The following KCNQ1 variants were observed in gnomAD, a reference collection of about 807,000 sequenced individuals.
The protein encoded by KCNQ1 is potassium voltage-gated channel subfamily KQT member 1.
KCNQ1 carries 49 observed loss-of-function variants against 72.4 expected under a neutral mutation model. The ratio of observed to expected loss-of-function variants is 0.68; its 90% CI spans 0.54 to 0.86. KCNQ1 has a LOEUF of 0.86. Ranked by LOEUF, KCNQ1 falls within the 40% of genes least tolerant of loss-of-function variation. KCNQ1 has a pLI of 0.00. For synonymous variants in KCNQ1, 450 were observed against 412.6 expected, an observed-to-expected ratio of 1.09 and a Z score of -1.10; for missense variants, 790 against 945.1, an observed-to-expected ratio of 0.84 and a Z score of 2.15.
rs1209978810 is a variant in KCNQ1 at position 2,787,596 on chromosome 11, A to G, written c.1794+9559A>G. ...AAAATTGATTACAATAATATATTTT[A>G]TTTAACCCAATAGATCCAAAATATC... is the stretch of plus-strand genomic sequence containing the variant. On this transcript the variant is annotated intron_variant, in intron 15 of 15. Transcript: ENST00000155840. The surrounding 1 kb of genome is among the most constrained non-coding windows in gnomAD (Gnocchi z 6.3). Among the ~76,000 whole-genome samples, 1 of 152,222 alleles carries G rather than the reference A, an allele frequency of 6.6e-6. No homozygotes were observed. Among genetic ancestry groups the G allele is most frequent in the Non-Finnish European group, 1.5e-5 (1 of 68,042 alleles).
At chr11:2,798,029 T>C (rs78013) in intron 15 of KCNQ1, among the ~76,000 whole-genome samples, 3 of 152,026 alleles carry the variant, frequency 2.0e-5, no homozygotes, top group Admixed American at 6.5e-5. Context: ...GGGGACCCAA[T>C]TGCACAGCCA....
At position 2,661,869 on chromosome 11, in the gene KCNQ1, T is replaced by C; in HGVS notation, c.1394-92T>C. On this transcript the variant is annotated intron_variant, in intron 10 of 15. Transcript: ENST00000155840. The surrounding 1 kb of genome is among the most constrained non-coding windows in gnomAD (Gnocchi z 5.9). ...AGCTTCCAGGCACAAGCTCCACTCC[T>C]CACCTGGCCCTGGGAGCTCACAGGC... The C allele has an allele frequency of 7.2e-6, 11 of 1,526,392 alleles. No homozygotes were observed. Among genetic ancestry groups the C allele is most frequent in the Non-Finnish European group, 1.0e-5 (11 of 1,102,710 alleles). The allele number at this position is 1,526,392 out of a possible 1,614,324, so 94.6% of individuals were successfully genotyped here.
Position 2,535,363 on chromosome 11 carries a change from G to A in KCNQ1, c.477+7345G>A, listed in dbSNP as rs111814909. Among the ~76,000 whole-genome samples the A allele has an allele frequency of 9.5e-3, 1,452 of 152,316 alleles. 16 individuals carry two copies. Among genetic ancestry groups the A allele is most frequent in the African/African-American group, 0.03 (1,236 of 41,570 alleles). Reference sequence around the variant, plus strand: ...AGCTTCAGCTGCCAAGGCTCCTCCCGGGTCAGGGTCGACCCCTGATGTCCC... The same window carrying A: ...AGCTTCAGCTGCCAAGGCTCCTCCCAGGTCAGGGTCGACCCCTGATGTCCC... On this transcript the variant is annotated intron_variant, in intron 2 of 15. Transcript: ENST00000155840.
chr11:2,758,952 T>C (rs748435007), intron 11 of KCNQ1, among the ~76,000 whole-genome samples: 57 of 152,170 alleles, frequency 3.7e-4, no homozygotes, highest in Admixed American at 8.5e-4. Flanking sequence ...GGGGAGGACT[T>C]CCATTCCTCG....
chr11:2,778,507 A>G (rs1289632380), intron 15 of KCNQ1, among the ~76,000 whole-genome samples: 1 of 152,166 alleles, frequency 6.6e-6, no homozygotes, highest in Non-Finnish European at 1.5e-5. Flanking sequence ...GTTCATGGGA[A>G]GAGAGGCATC....
rs574655084 is a variant in KCNQ1 at position 2,468,589 on chromosome 11, C to A, written c.386+23105C>A. Among the ~76,000 whole-genome samples, 82 of 152,300 alleles carry A rather than the reference C, an allele frequency of 5.4e-4. No homozygotes were observed. The highest frequency in any genetic ancestry group is 1.9e-3 in the African/African-American group (81 of 41,562). On this transcript the variant is annotated intron_variant, in intron 1 of 15. Transcript: ENST00000155840. The surrounding 1 kb of genome is among the most constrained non-coding windows in gnomAD (Gnocchi z 5.7). The stretch of plus-strand genomic sequence containing the variant: ...CATCACCCTCACAGCGTCCCCCTGT[C>A]CCCACGACCAGGCCACTGCTGCCCT...
intron 1 of KCNQ1, among the ~76,000 whole-genome samples, chr11:2,455,067 C>T (rs979875046): frequency 2.0e-5 from 3 of 151,626 alleles, no homozygotes; most frequent in African/African-American, 7.3e-5. Context: ...AGTGAAGTCT[C>T]AGGATACAAA....
rs943784838 is a variant in KCNQ1 at position 2,611,052 on chromosome 11, A to G, written c.1393+22198A>G. The G allele has an allele frequency of 5.0e-6, 2 of 398,230 alleles. No individual in the cohort carries two copies. The highest frequency in any genetic ancestry group is 8.8e-6 in the Non-Finnish European group (2 of 226,024). 24.7% of individuals were successfully genotyped at this position (398,230 alleles called of 1,614,324 possible). A position where few individuals can be genotyped will look rare whatever the true frequency, so the allele number is the denominator to read the frequency against. ...TTCATTTCTGACAGTTTTATTTCAT[A>G]TACTTCAGGGCTGTGTTTTTAGCTG... On this transcript the variant is annotated intron_variant, in intron 10 of 15. Transcript: ENST00000155840. The surrounding 1 kb of genome is among the most constrained non-coding windows in gnomAD (Gnocchi z 5.3).
chr11:2,508,915 A>G lies in KCNQ1; in HGVS notation c.387-19013A>G, dbSNP rs1195443916. Among the ~76,000 whole-genome samples, 1 of 152,156 alleles carries G rather than the reference A, an allele frequency of 6.6e-6. No homozygotes were observed. Among genetic ancestry groups the G allele is most frequent in the Admixed American group, 6.5e-5 (1 of 15,290 alleles). On this transcript the variant is annotated intron_variant, in intron 1 of 15. Coordinates refer to ENST00000155840, the MANE Select transcript of KCNQ1 (RefSeq NM_000218.3). The surrounding 1 kb of genome is among the most constrained non-coding windows in gnomAD (Gnocchi z 6.2). ...CCTTGTGGGCACTGGAGGGCACCCT[A>G]CAGTCACAGAGGCAAACGAAGAATG... is the stretch of plus-strand genomic sequence containing the variant.
chr11:2,536,145 G>A lies in KCNQ1; in HGVS notation c.477+8127G>A, dbSNP rs911335925. Among the ~76,000 whole-genome samples the A allele has an allele frequency of 2.0e-5, 3 of 152,236 alleles. No individual in the cohort carries two copies. The highest frequency in any genetic ancestry group is 4.8e-5 in the African/African-American group (2 of 41,460). The stretch of plus-strand genomic sequence containing the variant: ...GGGGCTGCTGAAGGAAGGCTGGTCC[G>A]CTCCCTGCCTGTGACAGGAGCTCAG... On this transcript the variant is annotated intron_variant, in intron 2 of 15. Coordinates refer to ENST00000155840, the MANE Select transcript of KCNQ1 (RefSeq NM_000218.3). This position sits in a 1 kb window ranked among gnomAD's most constrained non-coding sequence, Gnocchi z 7.4.
intron 1 of KCNQ1, among the ~76,000 whole-genome samples, chr11:2,512,777 G>T (rs535758079): frequency 2.4e-4 from 36 of 152,306 alleles, no homozygotes; most frequent in Non-Finnish European, 4.1e-4. Context: ...CTGCCTGTCT[G>T]CCCGCCTGGA....
At chr11:2,531,875 C>T (rs1167430501) in intron 2 of KCNQ1, among the ~76,000 whole-genome samples, 1 of 152,216 alleles carries the variant, frequency 6.6e-6, no homozygotes, top group Non-Finnish European at 1.5e-5. Flanking sequence ...AAGACAAAAA[C>T]CTGATCATTC....
chr11:2,639,439 C>T (rs557094896), intron 10 of KCNQ1: 1 of 152,332 alleles, frequency 6.6e-6, no homozygotes, highest in South Asian at 2.1e-4. Flanking sequence ...CAGTCAGGAC[C>T]CTCAGCTGCA....
chr11:2,467,937 G>A (rs576697758), intron 1 of KCNQ1, among the ~76,000 whole-genome samples: 12 of 152,352 alleles, frequency 7.9e-5, no homozygotes, highest in Middle Eastern at 3.4e-3. Context: ...AGGGCAGGGA[G>A]GCTGATGGGC....
chr11:2,593,356 G>A lies in KCNQ1; in HGVS notation c.1393+4502G>A, dbSNP rs1400225946. 6.6e-6 allele frequency among the ~76,000 whole-genome samples: 1 copy of A among 151,252 alleles called. No individual in the cohort carries two copies. Among genetic ancestry groups the A allele is most frequent in the Non-Finnish European group, 1.5e-5 (1 of 67,878 alleles). On this transcript the variant is annotated intron_variant, in intron 10 of 15. Coordinates refer to ENST00000155840, the MANE Select transcript of KCNQ1 (RefSeq NM_000218.3). The surrounding 1 kb of genome is among the most constrained non-coding windows in gnomAD (Gnocchi z 6.9). ...GGGCTGGAAGGTCGTGGTCTGTGAC[G>A]TAGGATCGGGGAGGCCACCTCAGAG...
rs551993538 is a variant in KCNQ1, at chr11:2,492,616, G to T, written c.387-35312G>T. ...TATGAGTGAGAACATATGGTGTTTG[G>T]TTTTCTGTTCCTGTGTTAGTTTGCC... On this transcript the variant is annotated intron_variant, in intron 1 of 15. Coordinates refer to ENST00000155840, the MANE Select transcript of KCNQ1 (RefSeq NM_000218.3). The surrounding 1 kb of genome is among the most constrained non-coding windows in gnomAD (Gnocchi z 4.1). Among the ~76,000 whole-genome samples the T allele has an allele frequency of 4.9e-4, 75 of 152,200 alleles. No homozygotes were observed. Among genetic ancestry groups the T allele is most frequent in the Middle Eastern group, 6.8e-3 (2 of 294 alleles).
chr11:2,841,542 T>G (rs988507516), intron 15 of KCNQ1, among the ~76,000 whole-genome samples: 4 of 152,064 alleles, frequency 2.6e-5, no homozygotes, highest in African/African-American at 9.7e-5. Flanking sequence ...CCAGGGACCC[T>G]GGGTAGTTGG....
At chr11:2,660,253 G>C in intron 10 of KCNQ1, 1 of 398,086 alleles carries the variant, frequency 2.5e-6, no homozygotes. Flanking sequence ...TTGATCATCT[G>C]TCCTATCAGG....
chr11:2,760,810 GC>G (rs577976581), intron 11 of KCNQ1, among the ~76,000 whole-genome samples: 9 of 152,346 alleles, frequency 5.9e-5, no homozygotes, highest in African/African-American at 2.2e-4. Flanking sequence ...CAGGGGTGTG[GC>G]TCGCTTCTTC....
Sources: gnomAD v4.1 joint callset for allele counts (sites outside exome capture counted in the v4.1 genomes callset) on GRCh38, gnomAD v4.1.1 for gene constraint, Gnocchi (gnomAD v3.1) non-coding constraint, MANE v1.5 for transcripts, NCBI Gene and HGNC (gene_info 2026-07-23, HGNC 2026-07-21) for gene names.